DDX31: variants seen among roughly 807,000 people sequenced by gnomAD.
DDX31 encodes the protein DEAD-box helicase 31.
In DDX31, 70 loss-of-function variants were observed where a neutral mutation model predicts 91.3. The ratio of observed to expected loss-of-function variants is 0.77; its 90% CI spans 0.63 to 0.94. DDX31 has a LOEUF of 0.94. DDX31 is among the 40% of genes least tolerant of loss of function. The pLI, the probability that DDX31 is intolerant of heterozygous loss-of-function variation, is 0.00. For missense variants in DDX31, 902 were observed against 925.0 expected (o/e 0.98, Z 0.32); for synonymous variants, 362 against 350.6 (o/e 1.03, Z -0.36).
At chr9:132,632,989 C>T (rs1478986867) in intron 14 of DDX31, among the ~76,000 whole-genome samples, 1 of 152,164 alleles carries the variant, frequency 6.6e-6, no homozygotes, top group Non-Finnish European at 1.5e-5. Context: ...ACAGTCGTAA[C>T]AAGAGTGTCC....
chr9:132,624,299 A>G (rs1403136284), intron 17 of DDX31, among the ~76,000 whole-genome samples: 1 of 152,164 alleles, frequency 6.6e-6, no homozygotes, highest in African/African-American at 2.4e-5. Context: ...AACACCCCTA[A>G]TAACAAACTT....
intron 13 of DDX31, among the ~76,000 whole-genome samples, chr9:132,645,174 G>A (rs977307049): frequency 6.6e-6 from 1 of 152,080 alleles, no homozygotes; most frequent in Non-Finnish European, 1.5e-5. Flanking sequence ...AGTCTTGCTC[G>A]TTCTTTCTTT....
Position 132,611,965 on chromosome 9 carries a change from T to C in DDX31, c.1994+122A>G. The C allele has an allele frequency of 8.2e-6, 11 of 1,346,544 alleles. No individual in the cohort carries two copies. The South Asian group carries it at 1.7e-4, about 20-fold the overall frequency. 83.4% of individuals were successfully genotyped at this position (1,346,544 alleles called of 1,614,324 possible). On this transcript the variant is annotated intron_variant, in intron 19 of 19. Transcript: ENST00000372159. ...GCTTTCTTCTCATTCCAAGTGCTTG[T>C]TTATTGGGAGAAGGGCAGGTATGAG...
intron 6 of DDX31, 142 bp downstream of exon 6, chr9:132,658,529 T>C: frequency 5.4e-6 from 4 of 734,180 alleles, no homozygotes; most frequent in African/African-American, 1.8e-5. Flanking sequence ...ACAACACATT[T>C]ATGCAATAAA....
chr9:132,614,392 C>T (rs567234861), intron 18 of DDX31, among the ~76,000 whole-genome samples: 98 of 152,164 alleles, frequency 6.4e-4, no homozygotes, highest in African/African-American at 2.3e-3. Context: ...AGATACAGAG[C>T]CCCACAGCCA....
intron 14 of DDX31, 29 bp from the exon 15 acceptor site, chr9:132,632,120 C>T: frequency 6.2e-7 from 1 of 1,605,326 alleles, no homozygotes; most frequent in Non-Finnish European, 8.5e-7. Context: ...TATGGTTTAA[C>T]ACTGAGTTTC....
intron 19 of DDX31, among the ~76,000 whole-genome samples, chr9:132,605,837 T>C (rs1830982435): frequency 6.6e-6 from 1 of 152,092 alleles, no homozygotes; most frequent in Admixed American, 6.5e-5. Flanking sequence ...TGGCTTGCTC[T>C]AATCACAGCC....
intron 17 of DDX31, among the ~76,000 whole-genome samples, chr9:132,622,189 G>T (rs142723698): frequency 6.6e-6 from 1 of 152,152 alleles, no homozygotes; most frequent in Non-Finnish European, 1.5e-5. Context: ...TTACAGATGG[G>T]AAAACTGAGA....
At chr9:132,599,934 A>C (rs576484268) in intron 19 of DDX31, among the ~76,000 whole-genome samples, 1 of 152,256 alleles carries the variant, frequency 6.6e-6, no homozygotes, top group Non-Finnish European at 1.5e-5. Flanking sequence ...GGGACTGACT[A>C]TAAGTCTCTA....
At chr9:132,632,633 G>T (rs1057152619) in intron 14 of DDX31, among the ~76,000 whole-genome samples, 6 of 152,048 alleles carry the variant, frequency 3.9e-5, no homozygotes, top group Middle Eastern at 3.4e-3. Flanking sequence ...CTCCCCTCAA[G>T]GCATTCGCTG....
At chr9:132,632,213 G>A (rs1030829360) in intron 14 of DDX31, 122 bp from the exon 15 acceptor site, 4 of 400,594 alleles carry the variant, frequency 1.0e-5, no homozygotes, top group South Asian at 4.5e-5. Context: ...ATGCACATTC[G>A]GGCATACACG....
At position 132,648,392 on chromosome 9, in the gene DDX31, C is replaced by T. The variant is rs200444298; in HGVS notation, c.860+40G>A. On this transcript the variant is annotated intron_variant, in intron 10 of 19. Transcript: ENST00000372159. ...TTGCAACAAGGAGAGGAGAAACAGC[C>T]CTTCTCTTCTACCTGTTATCATCCT... 378 of 1,608,976 alleles carry T rather than the reference C, an allele frequency of 2.3e-4. 1 individual carries two copies. The highest frequency in any genetic ancestry group is 1.7e-3 in the Middle Eastern group (10 of 6,024).
In DDX31 at chr9:132,597,857, C is replaced by T. The variant is rs189151494; in HGVS notation, c.1995-2745G>A. Among the ~76,000 whole-genome samples, 52 of 152,286 alleles carry T rather than the reference C, an allele frequency of 3.4e-4. 1 individual carries two copies. Among genetic ancestry groups the T allele is most frequent in the African/African-American group, 1.1e-3 (45 of 41,540 alleles). On this transcript the variant is annotated intron_variant, in intron 19 of 19. Transcript: ENST00000372159. ...GGGTGGAGGAAGGCAACCACTGGTG[C>T]GTACATTGCGCCACTGAATAGGAAC... is the stretch of plus-strand genomic sequence containing the variant.
Position 132,594,971 on chromosome 9 carries a change from C to T in DDX31, c.2136G>A (p.Gln712=). 1 of 1,614,202 alleles carries T rather than the reference C, an allele frequency of 6.2e-7. No individual in the cohort carries two copies. The highest frequency in any genetic ancestry group is 8.5e-7 in the Non-Finnish European group (1 of 1,180,040). Residue 712 remains glutamine (Q), a synonymous_variant, in exon 20 of 20, where the codon CAG becomes CAA. Transcript: ENST00000372159. ...APGEPGGRPL[Q]HSLQPTPCFG... ...AGCAGGGTGTCGGCTGCAGACTGTG[C>T]TGCAGGGGCCGGCCACCAGGCTCTC...
At chr9:132,623,336 T>C (rs1832164016) in intron 17 of DDX31, among the ~76,000 whole-genome samples, 1 of 150,984 alleles carries the variant, frequency 6.6e-6, no homozygotes, top group Non-Finnish European at 1.5e-5. Context: ...GGCGGGCGGA[T>C]CACAAAGTCA....
rs1834997539 is a variant in DDX31 at position 132,662,133 on chromosome 9, A to C, written c.408+128T>G. 5 of 896,124 alleles carry C rather than the reference A, an allele frequency of 5.6e-6. No individual in the cohort carries two copies. In the East Asian group the frequency reaches 7.9e-5, roughly 14 times the overall value. The allele number at this position is 896,124 out of a possible 1,614,324, so 55.5% of individuals were successfully genotyped here. A position where few individuals can be genotyped will look rare whatever the true frequency, so the allele number is the denominator to read the frequency against. On this transcript the variant is annotated intron_variant, in intron 3 of 19. Coordinates refer to ENST00000372159, the MANE Select transcript of DDX31 (RefSeq NM_022779.9). ...AAGAGTATCATATCAATCTGAGTTC[A>C]TTCAGGTAACTTAGAGCAGAAACAA...
In DDX31 at chr9:132,662,480, T is replaced by C. The variant is rs1322548276; in HGVS notation, c.291A>G (p.Ser97=). The part of the protein sequence containing the change: ...NQEERQCIKT[S]SLFKNNPDIP... ...TGTCAGGGTTGTTTTTAAACAGTGA[T>C]GAAGTCTTAATGCACTGTCTCTCCT... is the stretch of plus-strand genomic sequence containing the variant. Residue 97 remains serine (S), a synonymous_variant, in exon 2 of 20, where the codon TCA becomes TCG. Coordinates refer to ENST00000372159, the MANE Select transcript of DDX31 (RefSeq NM_022779.9). 3.7e-6 allele frequency: 6 copies of C among 1,614,098 alleles called. No homozygotes were observed. The African/African-American group carries it at 5.3e-5, about 14-fold the overall frequency.
At chr9:132,606,163 C>G (rs1298335938) in intron 19 of DDX31, among the ~76,000 whole-genome samples, 2 of 152,134 alleles carry the variant, frequency 1.3e-5, no homozygotes, top group Non-Finnish European at 2.9e-5. Context: ...TTCGTCCAGC[C>G]TCTCATCTCA....
At chr9:132,600,295 C>A (rs78449649) in intron 19 of DDX31, among the ~76,000 whole-genome samples, 2,553 of 152,310 alleles carry the variant, frequency 0.017, 73 homozygotes, top group African/African-American at 0.058. Flanking sequence ...TTCTTAGGAT[C>A]CAATCAAGTC....
Sources: gnomAD v4.1 joint callset for allele counts (sites outside exome capture counted in the v4.1 genomes callset) on GRCh38, gnomAD v4.1.1 for gene constraint, MANE v1.5 for transcripts, NCBI Gene and HGNC (gene_info 2026-07-23, HGNC 2026-07-21) for gene names.